The following KIAA0825 variants were observed in gnomAD, a reference collection of about 807,000 sequenced individuals.
KIAA0825 encodes KIAA0825.
Under a neutral mutation model 147.6 loss-of-function variants are expected in KIAA0825, and 119 were observed. The observed-to-expected ratio is 0.81, with a 90% confidence interval of 0.69 to 0.94. The LOEUF (loss-of-function observed/expected upper bound fraction) is 0.94. Among genes scored for constraint, KIAA0825 ranks in the 40% least tolerant of loss-of-function variants. KIAA0825 has a pLI of 0.00. For missense variants in KIAA0825, 1,381 were observed against 1,472.7 expected (o/e 0.94, Z 1.02); for synonymous variants, 470 against 518.1 (o/e 0.91, Z 1.26).
chr5:94,554,474 T>A (rs1776148970), intron 2 of KIAA0825, among the ~76,000 whole-genome samples: 1 of 152,076 alleles, frequency 6.6e-6, no homozygotes, highest in South Asian at 2.1e-4. Context: ...TCTTCTGGCC[T>A]GGCTCATTTT....
intron 20 of KIAA0825, among the ~76,000 whole-genome samples, chr5:94,298,509 G>T (rs576656741): frequency 6.6e-6 from 1 of 152,290 alleles, no homozygotes; most frequent in East Asian, 1.9e-4. Flanking sequence ...ATTTGTGTGG[G>T]ACGTAAGCAC....
chr5:94,488,459 TA>T (rs1441573261), intron 5 of KIAA0825, among the ~76,000 whole-genome samples: 1 of 152,188 alleles, frequency 6.6e-6, no homozygotes, highest in Admixed American at 6.5e-5. Context: ...ATTATAAAGA[TA>T]AAATTAAATT....
At chr5:94,556,603 T>C (rs761900674) in intron 2 of KIAA0825, among the ~76,000 whole-genome samples, 1 of 152,236 alleles carries the variant, frequency 6.6e-6, no homozygotes, top group African/African-American at 2.4e-5. Flanking sequence ...ATTATTTAGC[T>C]TAACTTTAAT....
At chr5:94,169,163 A>G (rs895831876) in intron 20 of KIAA0825, among the ~76,000 whole-genome samples, 4 of 152,244 alleles carry the variant, frequency 2.6e-5, no homozygotes, top group Non-Finnish European at 5.9e-5. Context: ...AGAAACACAC[A>G]GTCTATTAGC....
At chr5:94,226,729 G>C (rs1250060944) in intron 20 of KIAA0825, among the ~76,000 whole-genome samples, 2 of 151,836 alleles carry the variant, frequency 1.3e-5, no homozygotes, top group Non-Finnish European at 2.9e-5. Flanking sequence ...ATCAAAAAGT[G>C]GGCAAAGGAC....
chr5:94,357,181 G>A (rs75904445), intron 20 of KIAA0825, among the ~76,000 whole-genome samples: 1 of 152,140 alleles, frequency 6.6e-6, no homozygotes, highest in Non-Finnish European at 1.5e-5. Flanking sequence ...CGGTTAAAAC[G>A]CATCTACAGA....
chr5:94,203,733 C>G (rs780810337), intron 20 of KIAA0825, among the ~76,000 whole-genome samples: 2 of 152,130 alleles, frequency 1.3e-5, no homozygotes, highest in Non-Finnish European at 2.9e-5. Context: ...AATTACTCAT[C>G]ATATTAAATA....
intron 2 of KIAA0825, among the ~76,000 whole-genome samples, chr5:94,550,887 C>G (rs973625110): frequency 4.7e-5 from 7 of 149,386 alleles, no homozygotes; most frequent in Admixed American, 4.7e-4. Flanking sequence ...GTAGTAGACA[C>G]TAATCACAAG....
At chr5:94,202,258 T>C (rs1032657972) in intron 20 of KIAA0825, among the ~76,000 whole-genome samples, 1 of 151,888 alleles carries the variant, frequency 6.6e-6, no homozygotes, top group Non-Finnish European at 1.5e-5. Flanking sequence ...ATTATAGAAA[T>C]GAGGAAGGAT....
intron 20 of KIAA0825, among the ~76,000 whole-genome samples, chr5:94,273,972 T>C (rs543543853): frequency 6.6e-6 from 1 of 152,220 alleles, no homozygotes; most frequent in East Asian, 1.9e-4. Flanking sequence ...CCATATGAAA[T>C]AGGTATAATT....
At chr5:94,563,500 A>C (rs914835580) in intron 2 of KIAA0825, among the ~76,000 whole-genome samples, 1 of 152,224 alleles carries the variant, frequency 6.6e-6, no homozygotes, top group Non-Finnish European at 1.5e-5. Flanking sequence ...GCCCTTGTAC[A>C]CACAATATAA....
chr5:94,364,930 G>A (rs1745618456), intron 20 of KIAA0825, among the ~76,000 whole-genome samples: 1 of 151,896 alleles, frequency 6.6e-6, no homozygotes, highest in South Asian at 2.1e-4. Context: ...ATAGGAAAGG[G>A]GCTACCTGGG....
intron 20 of KIAA0825, among the ~76,000 whole-genome samples, chr5:94,380,383 G>T (rs1748232082): frequency 6.6e-6 from 1 of 152,122 alleles, no homozygotes; most frequent in Non-Finnish European, 1.5e-5. Context: ...CTTTTTCTCT[G>T]CATTCTTATT....
intron 16 of KIAA0825, among the ~76,000 whole-genome samples, chr5:94,397,692 G>A (rs62364587): frequency 0.04 from 6,081 of 152,216 alleles, 162 homozygotes; most frequent in Non-Finnish European, 0.058. Flanking sequence ...CCCACTAGAT[G>A]TCAGTAGCAT....
At chr5:94,352,455 T>C (rs547907255) in intron 20 of KIAA0825, among the ~76,000 whole-genome samples, 45 of 152,252 alleles carry the variant, frequency 3.0e-4, no homozygotes, top group African/African-American at 1.0e-3. Context: ...CAGGGAACAC[T>C]TCTACACTGC....
intron 20 of KIAA0825, among the ~76,000 whole-genome samples, chr5:94,356,141 G>T (rs1784222146): frequency 6.6e-6 from 1 of 152,106 alleles, no homozygotes; most frequent in South Asian, 2.1e-4. Context: ...TCTGCTTGAT[G>T]AGCACCAATG....
At chr5:94,501,348 G>A (rs1765064561) in intron 5 of KIAA0825, among the ~76,000 whole-genome samples, 1 of 152,112 alleles carries the variant, frequency 6.6e-6, no homozygotes, top group South Asian at 2.1e-4. Flanking sequence ...ATGTGTAATA[G>A]CCATATTAAT....
At chr5:94,430,768 T>C (rs765598408) in intron 14 of KIAA0825, among the ~76,000 whole-genome samples, 2 of 152,216 alleles carry the variant, frequency 1.3e-5, no homozygotes, top group South Asian at 4.1e-4. Context: ...CAGGAACAGA[T>C]AGAATATAAA....
In KIAA0825 at chr5:94,379,954, C is replaced by T. The variant is rs190399033; in HGVS notation, c.3710+4414G>A. Among the ~76,000 whole-genome samples the T allele has an allele frequency of 4.1e-3, 610 of 149,624 alleles. 5 individuals carry two copies. Among genetic ancestry groups the T allele is most frequent in the African/African-American group, 0.014 (558 of 40,470 alleles). ...CTGCAAGCTCCACCTCCTGGGCTCA[C>T]GCCATTCTCCTGCCTCAGCCTCCCC... On this transcript the variant is annotated intron_variant, in intron 20 of 20. Transcript: ENST00000682413.
Sources: gnomAD v4.1 joint callset for allele counts (sites outside exome capture counted in the v4.1 genomes callset) on GRCh38, gnomAD v4.1.1 for gene constraint, MANE v1.5 for transcripts, NCBI Gene and HGNC (gene_info 2026-07-23, HGNC 2026-07-21) for gene names.